Variants in MDN1 observed in about 807,000 individuals in gnomAD.
MDN1 encodes the protein midasin.
Under a neutral mutation model 669.2 loss-of-function variants are expected in MDN1, and 266 were observed. The ratio of observed to expected loss-of-function variants is 0.40; its 90% confidence interval spans 0.36 to 0.44. MDN1 has a LOEUF of 0.44. Among genes scored for constraint, MDN1 ranks in the 20% least tolerant of loss-of-function variants. MDN1 has a pLI of 1.00. For synonymous variants in MDN1, 2,385 were observed against 2,457.1 expected (o/e 0.97, Z 0.87); for missense variants, 5,940 against 6,754.0 (o/e 0.88, Z 4.22).
chr6:89,649,968 G>A (rs1808735368), intron 97 of MDN1, 56 bp downstream of exon 97: 4 of 1,581,416 alleles, frequency 2.5e-6, no homozygotes, highest in South Asian at 2.2e-5. Flanking sequence ...GTGGCCCATG[G>A]AACATAGCTT....
chr6:89,664,413 T>C, intron 85 of MDN1, 74 bp downstream of exon 85: 1 of 1,548,024 alleles, frequency 6.5e-7, no homozygotes, highest in Non-Finnish European at 8.8e-7. Context: ...GGTTCCTTAT[T>C]AGGAACATGT....
At chr6:89,697,443 A>G (rs1328281350) in intron 59 of MDN1, among the ~76,000 whole-genome samples, 1 of 152,240 alleles carries the variant, frequency 6.6e-6, no homozygotes. Flanking sequence ...GAAAAAAATT[A>G]TAAAACTTGT....
chr6:89,657,920 G>A (rs1208847988), intron 90 of MDN1, among the ~76,000 whole-genome samples: 1 of 152,204 alleles, frequency 6.6e-6, no homozygotes, highest in Admixed American at 6.5e-5. Context: ...GCAGCCTAAG[G>A]GCAATTGGCT....
At chr6:89,789,025 G>A (rs1363922367) in intron 7 of MDN1, among the ~76,000 whole-genome samples, 5 of 152,152 alleles carry the variant, frequency 3.3e-5, no homozygotes. Flanking sequence ...TCAGGAGGCT[G>A]AGGCAGGAGA....
At chr6:89,670,166 A>ATTTT (rs1482501704) in intron 83 of MDN1, among the ~76,000 whole-genome samples, 13 of 17,708 alleles carry the variant, frequency 7.3e-4, no homozygotes, top group East Asian at 8.2e-3. Context: ...ATATATATAT[A>ATTTT]TATATTTTTT....
chr6:89,783,937 G>A (rs963499411), intron 9 of MDN1, among the ~76,000 whole-genome samples: 4 of 150,914 alleles, frequency 2.7e-5, no homozygotes, highest in Admixed American at 6.6e-5. Context: ...AGCCAAGATC[G>A]TGCCACAGAG....
chr6:89,800,257 G>A (rs1171223359), intron 2 of MDN1, among the ~76,000 whole-genome samples: 1 of 151,776 alleles, frequency 6.6e-6, no homozygotes, highest in Non-Finnish European at 1.5e-5. Flanking sequence ...GAGAAACCCC[G>A]TCTCTACTAA....
chr6:89,778,079 G>C (rs966976328), intron 11 of MDN1, among the ~76,000 whole-genome samples: 5 of 152,024 alleles, frequency 3.3e-5, no homozygotes, highest in Non-Finnish European at 7.4e-5. Context: ...TGGGCAAGGT[G>C]AACCTGTTGG....
chr6:89,718,909 C>T lies in MDN1; in HGVS notation c.6179G>A (p.Trp2060Ter), dbSNP rs1398941446. Residue 2060 changes from tryptophan (W) to a stop codon, truncating the protein, a stop_gained, in exon 42 of 102, where the codon TGG becomes TAG. Transcript: ENST00000369393. LOFTEE classifies it high-confidence loss of function. Reference protein sequence around the residue: ...ESIMKCVQMSWMVILVGPASV... With the variant: ...ESIMKCVQMS Reference sequence around the variant, plus strand: ...GGCTGGCCCGACCAGGATGACCATCCAGCTCATCTGCACACACTTCATGAT... The same window carrying T: ...GGCTGGCCCGACCAGGATGACCATCTAGCTCATCTGCACACACTTCATGAT... 8 of 1,614,130 alleles carry T rather than the reference C, an allele frequency of 5.0e-6. No individual in the cohort carries two copies. Among genetic ancestry groups the T allele is most frequent in the Non-Finnish European group, 6.8e-6 (8 of 1,180,030 alleles).
intron 95 of MDN1, among the ~76,000 whole-genome samples, chr6:89,651,615 C>CA (rs934642954): frequency 4.6e-5 from 7 of 152,054 alleles, no homozygotes; most frequent in Admixed American, 3.3e-4. Context: ...GACTCCATCT[C>CA]AAAAAAATGA....
intron 76 of MDN1, 113 bp downstream of exon 76, chr6:89,677,457 A>G: frequency 1.5e-6 from 2 of 1,338,746 alleles, no homozygotes; most frequent in Non-Finnish European, 1.0e-6. Context: ...TGTAAGTGGT[A>G]GCCACAGTGG....
At chr6:89,776,386 A>G (rs928218609) in intron 12 of MDN1, among the ~76,000 whole-genome samples, 1 of 152,166 alleles carries the variant, frequency 6.6e-6, no homozygotes, top group African/African-American at 2.4e-5. Context: ...ACTTGAACCT[A>G]GGAGGCAGAG....
At chr6:89,644,562 C>T (rs1808359335) in intron 101 of MDN1, among the ~76,000 whole-genome samples, 1 of 152,160 alleles carries the variant, frequency 6.6e-6, no homozygotes, top group Non-Finnish European at 1.5e-5. Context: ...AACAGAACTG[C>T]CCTATAGGCA....
chr6:89,806,575 A>G (rs292218), intron 1 of MDN1, among the ~76,000 whole-genome samples: 92,466 of 151,664 alleles, frequency 0.61, 28,964 homozygotes, highest in Non-Finnish European at 0.69. Context: ...AAAATTAGCC[A>G]GGTGTGCTGG....
At chr6:89,647,726 G>A (rs1808575742) in intron 99 of MDN1, among the ~76,000 whole-genome samples, 1 of 152,156 alleles carries the variant, frequency 6.6e-6, no homozygotes, top group African/African-American at 2.4e-5. Context: ...AGGCCAAGAA[G>A]GGAGGATCAC....
Position 89,803,334 on chromosome 6 carries a change from A to G in MDN1, c.323T>C (p.Val108Ala), listed in dbSNP as rs1336479642. 3 of 1,613,388 alleles carry G rather than the reference A, an allele frequency of 1.9e-6. No individual in the cohort carries two copies. The highest frequency in any genetic ancestry group is 2.5e-6 in the Non-Finnish European group (3 of 1,179,428). ...MSKLIGNHPD[V>A]LPFALRYFKD... Reference sequence around the variant, plus strand: ...TAATAAAATTGCTACTCACGGGAGGACATCAGGATGGTTACCAATGAGTTT... The same window carrying G: ...TAATAAAATTGCTACTCACGGGAGGGCATCAGGATGGTTACCAATGAGTTT... The change falls in exon 2 of 102, where the codon GTC becomes GCC. Residue 108 changes from valine to alanine, a missense_variant. Physicochemically the swap from Val to Ala is moderately conservative, Grantham distance 64. This residue lies in a region of MDN1 where 1,203 missense variants were observed against 1,268.9 expected (regional missense o/e 0.95). Coordinates refer to ENST00000369393, the MANE Select transcript of MDN1 (RefSeq NM_014611.3).
intron 8 of MDN1, among the ~76,000 whole-genome samples, chr6:89,786,264 A>T (rs1357962271): frequency 2.6e-5 from 4 of 151,998 alleles, no homozygotes; most frequent in Non-Finnish European, 5.9e-5. Context: ...TCTCAAAAAA[A>T]ATTAATTAAA....
At position 89,690,762 on chromosome 6, in the gene MDN1, T is replaced by A; in HGVS notation, c.10660A>T (p.Arg3554Ter). The A allele has an allele frequency of 6.2e-7, 1 of 1,614,076 alleles. No homozygotes were observed. The highest frequency in any genetic ancestry group is 1.1e-5 in the South Asian group (1 of 91,076). Residue 3554 changes from arginine to a stop codon, truncating the protein, a stop_gained, in exon 64 of 102, where the codon AGA (arginine) becomes TGA (stop). Coordinates refer to ENST00000369393, the MANE Select transcript of MDN1 (RefSeq NM_014611.3). LOFTEE classifies it high-confidence loss of function. The part of the protein sequence containing the change: ...EKAEQESGLY[R>*]YRSRNSRTAL... ...GTCCTAGAGTTCCTGCTCCTGTATC[T>A]ATACAGGCCGCTTTCCTGCTCAGCC... is the stretch of plus-strand genomic sequence containing the variant.
At position 89,672,290 on chromosome 6, in the gene MDN1, A is replaced by G. The variant is rs1301895767; in HGVS notation, c.13704T>C (p.Thr4568=). 6.2e-6 allele frequency: 10 copies of G among 1,612,788 alleles called. No homozygotes were observed. The highest frequency in any genetic ancestry group is 2.5e-6 in the Non-Finnish European group (3 of 1,179,800). ...LEDDFWADVS[T]LHVQKIISAI... The stretch of plus-strand genomic sequence containing the variant: ...CAGAAATTATTTTCTGCACGTGCAA[A>G]GTGCTCACATCGGCCCAGAAGTCAT... Residue 4568 remains threonine (T), a synonymous_variant, in exon 82 of 102, where the codon ACT becomes ACC. Transcript: ENST00000369393.
Sources: allele counts gnomAD v4.1 joint callset (sites outside exome capture counted in the v4.1 genomes callset), GRCh38; gene constraint gnomAD v4.1.1; regional missense constraint gnomAD v4.1.1; transcripts MANE v1.5; gene names NCBI Gene and HGNC (gene_info 2026-07-23, HGNC 2026-07-21).